ARHGAP26: variants seen among roughly 807,000 people sequenced by gnomAD.
ARHGAP26 encodes the protein Rho GTPase activating protein 26.
A neutral mutation model predicts 104.8 loss-of-function variants in ARHGAP26; 38 were observed. The ratio of observed to expected loss-of-function variants is 0.36; its 90% CI spans 0.28 to 0.48. ARHGAP26 has a LOEUF of 0.48. Among genes scored for constraint, ARHGAP26 ranks in the 20% least tolerant of loss-of-function variants. ARHGAP26 has a pLI of 0.99. For synonymous variants in ARHGAP26, 341 were observed against 340.0 expected, an observed-to-expected ratio of 1.00 and a Z score of -0.03; for missense variants, 704 against 947.9, an observed-to-expected ratio of 0.74 and a Z score of 3.38.
intron 19 of ARHGAP26, among the ~76,000 whole-genome samples, chr5:143,146,567 A>G (rs1562505199): frequency 6.6e-6 from 1 of 152,228 alleles, no homozygotes; most frequent in African/African-American, 2.4e-5. Context: ...TATGGACTCA[A>G]GTGTTTTGTT....
At chr5:143,088,639 A>G (rs2150506770) in intron 17 of ARHGAP26, among the ~76,000 whole-genome samples, 1 of 152,344 alleles carries the variant, frequency 6.6e-6, no homozygotes, top group Middle Eastern at 3.4e-3. Flanking sequence ...ACTCGAATAT[A>G]AAATTTTCTT....
At chr5:142,970,552 ATTGTTC>A (rs1554181380) in intron 11 of ARHGAP26, among the ~76,000 whole-genome samples, 1 of 152,040 alleles carries the variant, frequency 6.6e-6, no homozygotes, top group Non-Finnish European at 1.5e-5. Context: ...TTCTTCCCCT[ATTGTTC>A]CAATAGAAGT....
At chr5:142,869,272 C>G (rs1754900406) in intron 1 of ARHGAP26, among the ~76,000 whole-genome samples, 1 of 149,608 alleles carries the variant, frequency 6.7e-6, no homozygotes, top group South Asian at 2.1e-4. Context: ...AATGGTGCAA[C>G]CTCGGCTCAC....
intron 1 of ARHGAP26, among the ~76,000 whole-genome samples, chr5:142,858,094 T>TGTGTGTGTGTGTGTGTGAGAGA (rs1424264346): frequency 1.6e-5 from 2 of 127,172 alleles, no homozygotes; most frequent in Admixed American, 8.3e-5. Flanking sequence ...TGTGTGTGTG[T>TGTGTGTGTGTGTGTGTGAGAGA]GAGAGAGAGA....
chr5:143,066,780 G>A (rs1301961183), intron 17 of ARHGAP26, among the ~76,000 whole-genome samples: 1 of 152,194 alleles, frequency 6.6e-6, no homozygotes, highest in Non-Finnish European at 1.5e-5. Context: ...TTGCTTAGCA[G>A]TTTGTGTGCA....
chr5:143,070,999 G>A (rs10072257), intron 17 of ARHGAP26, among the ~76,000 whole-genome samples: 5,729 of 152,232 alleles, frequency 0.038, 316 homozygotes, highest in African/African-American at 0.12. Context: ...ACAAAAGACC[G>A]TGAATAGCAA....
At chr5:143,177,249 C>T (rs1411125248) in intron 20 of ARHGAP26, among the ~76,000 whole-genome samples, 1 of 152,108 alleles carries the variant, frequency 6.6e-6, no homozygotes, top group East Asian at 1.9e-4. Context: ...CATCTGTGGA[C>T]CAAGGACCAT....
chr5:143,057,540 T>C, intron 16 of ARHGAP26, 102 bp from the exon 17 acceptor site: 2 of 878,282 alleles, frequency 2.3e-6, no homozygotes, highest in Non-Finnish European at 3.7e-6. Flanking sequence ...TGAGAAATCC[T>C]TGGGCTGTTA....
At chr5:142,876,466 TATATTAAAAA>T (rs1005569111) in intron 3 of ARHGAP26, among the ~76,000 whole-genome samples, 41 of 152,216 alleles carry the variant, frequency 2.7e-4, no homozygotes, top group African/African-American at 9.4e-4. Flanking sequence ...AAGTCTGCAT[TATATTAAAAA>T]ATATTAAAAA....
At chr5:143,168,894 A>G (rs925598179) in intron 20 of ARHGAP26, 7 of 152,236 alleles carry the variant, frequency 4.6e-5, no homozygotes, top group Non-Finnish European at 7.3e-5. Context: ...GCCTTCACTT[A>G]CTATGCTAAA....
chr5:143,171,778 C>T (rs1369846570), intron 20 of ARHGAP26, among the ~76,000 whole-genome samples: 2 of 152,192 alleles, frequency 1.3e-5, no homozygotes, highest in Non-Finnish European at 2.9e-5. Context: ...ACGCTTTCTT[C>T]CAAATTGAAG....
Position 142,980,295 on chromosome 5 carries a change from G to T in ARHGAP26, c.1108-33785G>T, listed in dbSNP as rs550147712. 2.6e-5 allele frequency among the ~76,000 whole-genome samples: 4 copies of T among 152,110 alleles called. No homozygotes were observed. The East Asian group carries it at 7.7e-4, about 29-fold the overall frequency. On this transcript the variant is annotated intron_variant, in intron 11 of 22. Coordinates refer to ENST00000645722, the MANE Select transcript of ARHGAP26 (RefSeq NM_001135608.3). ...ACATATCACTAATTATTCATTCTTC[G>T]ATTGAACAATGGATTGTTTGTAAAT...
At chr5:142,825,202 G>A (rs115455454) in intron 1 of ARHGAP26, among the ~76,000 whole-genome samples, 2,324 of 152,318 alleles carry the variant, frequency 0.015, 62 homozygotes, top group African/African-American at 0.053. Context: ...TGTATTGAAA[G>A]TGCTTACAAC....
At chr5:142,893,708 C>T (rs1759050982) in intron 5 of ARHGAP26, among the ~76,000 whole-genome samples, 1 of 152,178 alleles carries the variant, frequency 6.6e-6, no homozygotes, top group Non-Finnish European at 1.5e-5. Flanking sequence ...AATTTACATT[C>T]CCACCATCAG....
At chr5:143,058,333 A>T (rs1786167650) in intron 17 of ARHGAP26, among the ~76,000 whole-genome samples, 1 of 152,234 alleles carries the variant, frequency 6.6e-6, no homozygotes, top group South Asian at 2.1e-4. Flanking sequence ...ATAAAGAATA[A>T]AGGAATTATT....
At chr5:142,901,463 A>G (rs1315433459) in intron 6 of ARHGAP26, among the ~76,000 whole-genome samples, 1 of 152,222 alleles carries the variant, frequency 6.6e-6, no homozygotes, top group Non-Finnish European at 1.5e-5. Flanking sequence ...TAGACTCAGG[A>G]CACCCCACTT....
chr5:143,130,086 G>A (rs1165671378), intron 18 of ARHGAP26, among the ~76,000 whole-genome samples: 2 of 152,180 alleles, frequency 1.3e-5, no homozygotes, highest in African/African-American at 4.8e-5. Flanking sequence ...CCGTGTAGCT[G>A]TAGGTGTTGC....
intron 1 of ARHGAP26, among the ~76,000 whole-genome samples, chr5:142,872,122 C>T (rs1477623745): frequency 6.6e-6 from 1 of 151,980 alleles, no homozygotes; most frequent in Non-Finnish European, 1.5e-5. Context: ...GTATCCAGTG[C>T]CCCCACTCCC....
chr5:142,882,420 T>C (rs1757134783), intron 4 of ARHGAP26, among the ~76,000 whole-genome samples: 1 of 152,204 alleles, frequency 6.6e-6, no homozygotes, highest in South Asian at 2.1e-4. Context: ...GTTTAAAAAA[T>C]ATGTGAGAGC....
Sources: gnomAD v4.1 joint callset for allele counts (sites outside exome capture counted in the v4.1 genomes callset) on GRCh38, gnomAD v4.1.1 for gene constraint, MANE v1.5 for transcripts, NCBI Gene and HGNC (gene_info 2026-07-23, HGNC 2026-07-21) for gene names.